INTS9: variants seen among roughly 807,000 people sequenced by gnomAD.
INTS9 encodes the protein protein related to CPSF subunits of 74 kDa.
A neutral mutation model predicts 79.7 loss-of-function variants in INTS9; 55 were observed. The observed-to-expected ratio is 0.69, with a 90% confidence interval of 0.56 to 0.86. The LOEUF (loss-of-function observed/expected upper bound fraction) is 0.86. Ranked by LOEUF, INTS9 falls within the 40% of genes least tolerant of loss-of-function variation. The pLI, the probability that INTS9 is intolerant of heterozygous loss-of-function variation, is 0.00. For synonymous variants in INTS9, 319 were observed against 325.2 expected, an observed-to-expected ratio of 0.98 and a Z score of 0.20; for missense variants, 721 against 831.5, an observed-to-expected ratio of 0.87 and a Z score of 1.64.
At chr8:28,860,121 T>G (rs150743555) in intron 1 of INTS9, among the ~76,000 whole-genome samples, 359 of 152,324 alleles carry the variant, frequency 2.4e-3, no homozygotes, top group African/African-American at 8.2e-3. Context: ...GTGCAGACAC[T>G]AAGCAGGAGT....
chr8:28,886,596 T>C (rs771388411), intron 1 of INTS9, among the ~76,000 whole-genome samples: 30 of 152,208 alleles, frequency 2.0e-4, no homozygotes, highest in Non-Finnish European at 3.8e-4. Context: ...TTTTTAAAAA[T>C]AGCCTTGAAT....
Position 28,769,869 on chromosome 8 carries a change from C to T in INTS9, c.1800+20G>A. On this transcript the variant is annotated intron_variant, in intron 16 of 16. Transcript: ENST00000521022. ...GCTGCCACGTGTGGAGTTTTCACGG[C>T]ACCAGCGAAACCAGCTCACCTTCTC... The T allele has an allele frequency of 3.7e-6, 6 of 1,612,660 alleles. No homozygotes were observed. The highest frequency in any genetic ancestry group is 4.2e-6 in the Non-Finnish European group (5 of 1,179,266).
At chr8:28,877,435 T>G (rs777202671) in intron 1 of INTS9, among the ~76,000 whole-genome samples, 28 of 152,190 alleles carry the variant, frequency 1.8e-4, no homozygotes, top group Non-Finnish European at 3.1e-4. Flanking sequence ...ATTGTAGTGG[T>G]AAGCATTAGG....
At chr8:28,837,803 A>AT in intron 4 of INTS9, 27 bp from the exon 5 acceptor site, 1 of 1,604,144 alleles carries the variant, frequency 6.2e-7, no homozygotes, top group South Asian at 1.1e-5. Flanking sequence ...GGAATGATAT[A>AT]TATCTGTTCA....
chr8:28,776,136 A>G (rs547979899), intron 13 of INTS9: 2 of 452,100 alleles, frequency 4.4e-6, no homozygotes, highest in East Asian at 3.5e-5. Context: ...GGAAACCCCT[A>G]AACTGCCTCA....
intron 1 of INTS9, among the ~76,000 whole-genome samples, chr8:28,875,127 C>T (rs531406929): frequency 6.6e-6 from 1 of 152,230 alleles, no homozygotes; most frequent in Non-Finnish European, 1.5e-5. Flanking sequence ...CCCACCAATC[C>T]CTCCCACAAC....
At chr8:28,821,367 T>C (rs150419055) in intron 6 of INTS9, among the ~76,000 whole-genome samples, 122 of 152,232 alleles carry the variant, frequency 8.0e-4, no homozygotes, top group African/African-American at 2.8e-3. Context: ...GATAAACCCA[T>C]CAGATCTTGT....
intron 12 of INTS9, 80 bp downstream of exon 12, chr8:28,780,743 C>G: frequency 6.5e-7 from 1 of 1,549,974 alleles, no homozygotes; most frequent in Non-Finnish European, 8.7e-7. Flanking sequence ...AAATCCTTCC[C>G]TGGGTCTCTA....
intron 2 of INTS9, 113 bp downstream of exon 2, chr8:28,859,323 G>T: frequency 8.3e-7 from 1 of 1,202,458 alleles, no homozygotes; most frequent in Non-Finnish European, 1.2e-6. Flanking sequence ...ACATTTTTAA[G>T]GAAACAAAGC....
At chr8:28,801,984 G>A (rs1252785383) in intron 8 of INTS9, among the ~76,000 whole-genome samples, 1 of 152,136 alleles carries the variant, frequency 6.6e-6, no homozygotes, top group Admixed American at 6.5e-5. Context: ...AAGGGAAAAG[G>A]ATCATGAAGT....
intron 1 of INTS9, among the ~76,000 whole-genome samples, chr8:28,888,137 ACTTATC>A (rs1810260987): frequency 6.6e-6 from 1 of 152,200 alleles, no homozygotes; most frequent in South Asian, 2.1e-4. Flanking sequence ...GCCCTGGCTT[ACTTATC>A]CTTATCAGTT....
At chr8:28,833,212 A>G (rs1467582281) in intron 6 of INTS9, among the ~76,000 whole-genome samples, 1 of 152,222 alleles carries the variant, frequency 6.6e-6, no homozygotes, top group Admixed American at 6.5e-5. Context: ...AAGACATTCT[A>G]ATGTTGAAAT....
chr8:28,802,621 G>A (rs563878052), intron 8 of INTS9, among the ~76,000 whole-genome samples: 9 of 152,322 alleles, frequency 5.9e-5, no homozygotes, highest in East Asian at 1.9e-4. Flanking sequence ...AGCTAAAGGC[G>A]TAGGATGGAT....
intron 6 of INTS9, 58 bp from the exon 7 acceptor site, chr8:28,813,670 T>C: frequency 6.3e-7 from 1 of 1,586,256 alleles, no homozygotes; most frequent in Non-Finnish European, 8.6e-7. Flanking sequence ...TTCTACAGCA[T>C]TCCTTTCTAG....
intron 11 of INTS9, among the ~76,000 whole-genome samples, chr8:28,785,459 G>A (rs1333220627): frequency 6.6e-6 from 1 of 152,140 alleles, no homozygotes; most frequent in Non-Finnish European, 1.5e-5. Context: ...TATGTACTCA[G>A]TTACCTCACT....
rs567555044 is a variant in INTS9 at position 28,858,057 on chromosome 8, A to G, written c.137+1379T>C. Reference sequence around the variant, plus strand: ...GACCATGAGAACAGTAGAACTGGGTAAGGATGAGAGTGAACAGGAACGGGA... The same window carrying G: ...GACCATGAGAACAGTAGAACTGGGTGAGGATGAGAGTGAACAGGAACGGGA... On this transcript the variant is annotated intron_variant, in intron 2 of 16. Transcript: ENST00000521022. Among the ~76,000 whole-genome samples the G allele has an allele frequency of 2.0e-5, 3 of 152,298 alleles. No homozygotes were observed. The East Asian group carries it at 5.8e-4, about 29-fold the overall frequency.
At chr8:28,867,702 C>T (rs891856363) in intron 1 of INTS9, among the ~76,000 whole-genome samples, 1 of 149,892 alleles carries the variant, frequency 6.7e-6, no homozygotes. Context: ...AGTGAACTGA[C>T]TTTGGGTAAC....
At chr8:28,778,235 A>G in intron 12 of INTS9, among the ~76,000 whole-genome samples, 1 of 152,250 alleles carries the variant, frequency 6.6e-6, no homozygotes, top group East Asian at 1.9e-4. Flanking sequence ...ACGAAATGCC[A>G]AGAAACAAAC....
intron 1 of INTS9, among the ~76,000 whole-genome samples, chr8:28,859,905 G>GT (rs1401089191): frequency 6.6e-6 from 1 of 152,192 alleles, no homozygotes; most frequent in Non-Finnish European, 1.5e-5. Context: ...CCCTTTGTAT[G>GT]TAAGTACTGT....
Sources: gnomAD v4.1 joint callset for allele counts (sites outside exome capture counted in the v4.1 genomes callset) on GRCh38, gnomAD v4.1.1 for gene constraint, MANE v1.5 for transcripts, NCBI Gene and HGNC (gene_info 2026-07-23, HGNC 2026-07-21) for gene names.